REV3L: variants seen among roughly 807,000 people sequenced by gnomAD.
The protein encoded by REV3L is REV3 like, DNA directed polymerase zeta catalytic subunit.
In REV3L, 69 loss-of-function variants were observed where a neutral mutation model predicts 299.4. The observed-to-expected ratio is 0.23, with a 90% CI of 0.19 to 0.28. The LOEUF (loss-of-function observed/expected upper bound fraction) is 0.28. Among genes scored for constraint, REV3L ranks in the 10% least tolerant of loss-of-function variants. The pLI, the probability that REV3L is intolerant of heterozygous loss-of-function variation, is 1.00. For synonymous variants in REV3L, 1,238 were observed against 1,271.4 expected (o/e 0.97, Z 0.56); for missense variants, 3,128 against 3,693.8 (o/e 0.85, Z 3.97).
intron 19 of REV3L, among the ~76,000 whole-genome samples, chr6:111,349,688 G>A (rs996343583): frequency 1.1e-4 from 16 of 152,148 alleles, no homozygotes; most frequent in African/African-American, 3.9e-4. Context: ...TGCCTCAGCT[G>A]CTCGAATAGC....
chr6:111,412,191 C>T, intron 2 of REV3L: 1 of 985,268 alleles, frequency 1.0e-6, no homozygotes, highest in Non-Finnish European at 1.2e-6. Context: ...CAAGTGCATC[C>T]TGTGAAAAAA....
intron 13 of REV3L, among the ~76,000 whole-genome samples, chr6:111,369,541 CA>C (rs1300451157): frequency 1.3e-5 from 2 of 151,906 alleles, no homozygotes; most frequent in Non-Finnish European, 2.9e-5. Flanking sequence ...GGCAAAATTG[CA>C]AACAACCTTT....
Position 111,406,748 on chromosome 6 carries a change from G to A in REV3L, c.405-1118C>T, listed in dbSNP as rs185908509. Among the ~76,000 whole-genome samples, 561 of 152,148 alleles carry A rather than the reference G, an allele frequency of 3.7e-3. 3 individuals carry two copies. Among genetic ancestry groups the A allele is most frequent in the African/African-American group, 0.013 (542 of 41,498 alleles). ...TGGGATTTTTTGGAAGGGGAATAAG[G>A]ATAAACTCAATTTAGACACAAGGGC... On this transcript the variant is annotated intron_variant, in intron 3 of 31. Transcript: ENST00000368802.
chr6:111,336,723 A>G (rs1179933134), intron 21 of REV3L, among the ~76,000 whole-genome samples: 1 of 152,210 alleles, frequency 6.6e-6, no homozygotes, highest in Non-Finnish European at 1.5e-5. Flanking sequence ...AAAACTATAT[A>G]TCAATGTTCA....
chr6:111,308,893 T>C (rs1441647703), intron 30 of REV3L, among the ~76,000 whole-genome samples: 4 of 152,252 alleles, frequency 2.6e-5, no homozygotes, highest in Non-Finnish European at 4.4e-5. Context: ...ATGGCATCTT[T>C]GCCAGTTTAG....
At chr6:111,350,060 AT>A (rs1316039306) in intron 19 of REV3L, among the ~76,000 whole-genome samples, 6 of 152,220 alleles carry the variant, frequency 3.9e-5, no homozygotes, top group Non-Finnish European at 2.9e-5. Context: ...AATATTTACC[AT>A]ATTGAAGGTT....
chr6:111,324,060 T>C (rs1460771278), intron 25 of REV3L, among the ~76,000 whole-genome samples: 7 of 152,134 alleles, frequency 4.6e-5, no homozygotes, highest in Non-Finnish European at 1.0e-4. Context: ...AGTGCAGTGG[T>C]GTGAGCTTGG....
intron 1 of REV3L, among the ~76,000 whole-genome samples, chr6:111,479,340 T>C (rs1290423992): frequency 6.6e-6 from 1 of 152,198 alleles, no homozygotes; most frequent in Non-Finnish European, 1.5e-5. Context: ...TTCAAGACAT[T>C]TTAAAAACTA....
chr6:111,450,980 C>T (rs1424671425), intron 1 of REV3L, among the ~76,000 whole-genome samples: 1 of 152,180 alleles, frequency 6.6e-6, no homozygotes, highest in East Asian at 1.9e-4. Context: ...TGAAACTTAT[C>T]CCACACAGGT....
At chr6:111,433,151 A>G (rs1238297638) in intron 1 of REV3L, among the ~76,000 whole-genome samples, 5 of 152,196 alleles carry the variant, frequency 3.3e-5, no homozygotes, top group African/African-American at 1.2e-4. Context: ...GAAAAAGAAC[A>G]AAACAAACCC....
chr6:111,390,638 C>T (rs925116050), intron 5 of REV3L, among the ~76,000 whole-genome samples: 7 of 152,056 alleles, frequency 4.6e-5, no homozygotes, highest in African/African-American at 9.7e-5. Context: ...AATGGGCAAA[C>T]GATATTCACC....
In REV3L at chr6:111,313,301, C is replaced by T. The variant is rs374907032; in HGVS notation, c.8604+51G>A. Reference sequence around the variant, plus strand: ...TAAGGGTAGTTACATTTTCACCAGACACTTTAGCCACTTATTTCTTACAGA... The same window carrying T: ...TAAGGGTAGTTACATTTTCACCAGATACTTTAGCCACTTATTTCTTACAGA... On this transcript the variant is annotated intron_variant, in intron 28 of 31. Transcript: ENST00000368802. The T allele has an allele frequency of 2.0e-5, 31 of 1,542,702 alleles. No homozygotes were observed. In the African/African-American group the frequency reaches 2.9e-4, roughly 14 times the overall value.
Position 111,299,150 on chromosome 6 carries a change from A to AGTT in REV3L, c.*863_*865dup, listed in dbSNP as rs1206324042. 2 of 152,536 alleles carry AGTT rather than the reference A, an allele frequency of 1.3e-5. No individual in the cohort carries two copies. Among genetic ancestry groups the AGTT allele is most frequent in the African/African-American group, 4.8e-5 (2 of 41,430 alleles). The allele number at this position is 152,536 out of a possible 1,614,324, so 9.4% of individuals were successfully genotyped here. ...ACATAATTCCTTTTTTATTTTACAC[A>AGTT]GTTATACAAATATTCTAAATACACA... On this transcript the variant is annotated 3_prime_UTR_variant, in exon 32 of 32. Transcript: ENST00000368802.
At chr6:111,419,071 T>C (rs1785050057) in intron 1 of REV3L, among the ~76,000 whole-genome samples, 1 of 152,138 alleles carries the variant, frequency 6.6e-6, no homozygotes, top group African/African-American at 2.4e-5. Flanking sequence ...ATCCCCAACA[T>C]ATTGCACTTT....
chr6:111,381,497 T>G (rs1438849442), intron 9 of REV3L, 53 bp from the exon 10 acceptor site: 2 of 1,493,388 alleles, frequency 1.3e-6, no homozygotes, highest in African/African-American at 1.4e-5. Context: ...AATCCAAAAT[T>G]TATCATTTAG....
At chr6:111,467,495 T>G (rs992406615) in intron 1 of REV3L, among the ~76,000 whole-genome samples, 1 of 152,216 alleles carries the variant, frequency 6.6e-6, no homozygotes, top group Non-Finnish European at 1.5e-5. Flanking sequence ...CTGAACAGAT[T>G]GAAAATTATA....
At chr6:111,336,076 T>G (rs920211226) in intron 21 of REV3L, among the ~76,000 whole-genome samples, 4 of 150,538 alleles carry the variant, frequency 2.7e-5, no homozygotes, top group Non-Finnish European at 1.5e-5. Context: ...AAAAAAAGAG[T>G]AATTTGGTGA....
intron 26 of REV3L, among the ~76,000 whole-genome samples, chr6:111,322,171 T>C (rs1208762785): frequency 2.0e-5 from 3 of 152,218 alleles, no homozygotes; most frequent in African/African-American, 7.2e-5. Flanking sequence ...TTCACAGTTC[T>C]GGCAATTGTC....
chr6:111,482,487 C>T (rs1793861990), intron 1 of REV3L, among the ~76,000 whole-genome samples: 1 of 151,734 alleles, frequency 6.6e-6, no homozygotes. Flanking sequence ...CGCTCCCGGC[C>T]GCCACACGCA....
Sources: allele counts gnomAD v4.1 joint callset (sites outside exome capture counted in the v4.1 genomes callset), GRCh38; gene constraint gnomAD v4.1.1; transcripts MANE v1.5; gene names NCBI Gene and HGNC (gene_info 2026-07-23, HGNC 2026-07-21).